LARS2: variants seen among roughly 807,000 people sequenced by gnomAD.
The protein encoded by LARS2 is leucyl-tRNA synthetase 2, mitochondrial, also known as leucine--tRNA ligase, mitochondrial.
In LARS2, 81 loss-of-function variants were observed where a neutral mutation model predicts 116.6. That is an observed-to-expected ratio of 0.69 (90% CI 0.58 to 0.84). The LOEUF (loss-of-function observed/expected upper bound fraction) is 0.84, where lower values mean the gene tolerates loss of function less well. Among genes scored for constraint, LARS2 ranks in the 40% least tolerant of loss-of-function variants. LARS2 has a pLI of 0.00. For synonymous variants in LARS2, 396 were observed against 407.2 expected, an observed-to-expected ratio of 0.97 and a Z score of 0.33; for missense variants, 968 against 1,114.5, an observed-to-expected ratio of 0.87 and a Z score of 1.87.
intron 1 of LARS2, chr3:45,389,131 A>G (rs552457193): frequency 6.6e-6 from 1 of 152,206 alleles, no homozygotes; most frequent in African/African-American, 2.4e-5. Context: ...GCAAAATCCA[A>G]GATTTTTTTT....
At chr3:45,450,627 A>T (rs11929342) in intron 7 of LARS2, among the ~76,000 whole-genome samples, 45,967 of 152,104 alleles carry the variant, frequency 0.3, 7,229 homozygotes, top group Middle Eastern at 0.44. Flanking sequence ...CCACTGATGG[A>T]CACTTGGGTT....
intron 6 of LARS2, among the ~76,000 whole-genome samples, chr3:45,427,192 A>G (rs1698608448): frequency 6.6e-6 from 1 of 152,232 alleles, no homozygotes; most frequent in African/African-American, 2.4e-5. Context: ...ATGGGAGACT[A>G]CAGTTATACG....
At chr3:45,440,659 C>T (rs115570882) in intron 6 of LARS2, among the ~76,000 whole-genome samples, 1,970 of 152,230 alleles carry the variant, frequency 0.013, 28 homozygotes, top group African/African-American at 0.045. Flanking sequence ...TACATGACAG[C>T]TTTGAATGAG....
At chr3:45,533,318 T>G (rs1700649408) in intron 20 of LARS2, among the ~76,000 whole-genome samples, 1 of 151,800 alleles carries the variant, frequency 6.6e-6, no homozygotes, top group Admixed American at 6.6e-5. Flanking sequence ...ACCCAGCTAA[T>G]TTTTTGTATT....
intron 9 of LARS2, 62 bp from the exon 10 acceptor site, chr3:45,476,406 G>T: frequency 6.4e-7 from 1 of 1,556,244 alleles, no homozygotes; most frequent in South Asian, 1.1e-5. Context: ...GATACAGTTA[G>T]GGAGCAACAC....
chr3:45,500,422 C>T lies in LARS2; in HGVS notation c.1623-20C>T, dbSNP rs1700098886. 1.3e-6 allele frequency: 2 copies of T among 1,593,182 alleles called. No individual in the cohort carries two copies. Among genetic ancestry groups the T allele is most frequent in the African/African-American group, 2.7e-5 (2 of 73,422 alleles). ...GTGGCAAAGCAGGTTTTTAAAAATGCCTCCATCTCTTTTTTACAGCCCTTT... is the reference window on the plus strand; with the variant it reads ...GTGGCAAAGCAGGTTTTTAAAAATGTCTCCATCTCTTTTTTACAGCCCTTT... On this transcript the variant is annotated intron_variant, in intron 14 of 21. Coordinates refer to ENST00000645846, the MANE Select transcript of LARS2 (RefSeq NM_015340.4).
chr3:45,477,888 T>G (rs1213804735), intron 10 of LARS2, among the ~76,000 whole-genome samples: 1 of 152,208 alleles, frequency 6.6e-6, no homozygotes, highest in Admixed American at 6.5e-5. Flanking sequence ...TCTCTCTGCT[T>G]AAGACTTTGT....
chr3:45,467,985 C>A (rs917648850), intron 8 of LARS2, among the ~76,000 whole-genome samples: 2 of 152,002 alleles, frequency 1.3e-5, no homozygotes, highest in Admixed American at 6.5e-5. Flanking sequence ...ACAGTCCCAG[C>A]TACTCAGGAG....
In LARS2 at chr3:45,509,941, G is replaced by A. The variant is rs893294714; in HGVS notation, c.1761-3194G>A. Among the ~76,000 whole-genome samples, 7 of 151,926 alleles carry A rather than the reference G, an allele frequency of 4.6e-5. No homozygotes were observed. The South Asian group carries it at 1.5e-3, about 32-fold the overall frequency. Reference sequence around the variant, plus strand: ...CTAGCTGGAAAGTATAGCATCCAGTGCCCCACTTCACTCATTTCTTTCTTC... The same window carrying A: ...CTAGCTGGAAAGTATAGCATCCAGTACCCCACTTCACTCATTTCTTTCTTC... On this transcript the variant is annotated intron_variant, in intron 15 of 21. Transcript: ENST00000645846.
intron 10 of LARS2, among the ~76,000 whole-genome samples, chr3:45,477,694 C>A (rs564050966): frequency 6.6e-6 from 1 of 152,308 alleles, no homozygotes; most frequent in South Asian, 2.1e-4. Flanking sequence ...AATATCTCAT[C>A]CCTATTCTCT....
chr3:45,541,841 T>C lies in LARS2; in HGVS notation c.2417T>C (p.Val806Ala). The change falls in exon 21 of 22, where the codon GTG becomes GCG. Residue 806 changes from valine (V) to alanine (A), a missense_variant. Physicochemically the swap from Val to Ala is moderately conservative, Grantham distance 64. Coordinates refer to ENST00000645846, the MANE Select transcript of LARS2 (RefSeq NM_015340.4). ...TSEIWAGLAL[V>A]PRKLCAHYTW... ...CTCGGCATTGCAGGCCTGGCGCTGG[T>C]GCCGAGGAAGCTCTGTGCCCACTAC... 1 of 1,614,168 alleles carries C rather than the reference T, an allele frequency of 6.2e-7. No homozygotes were observed. The highest frequency in any genetic ancestry group is 8.5e-7 in the Non-Finnish European group (1 of 1,180,008).
rs1000037519 is a variant in LARS2 at position 45,548,459 on chromosome 3, C to T, written c.*929C>T. ...CAATGCCACCATTGTTGATGTGACT[C>T]CAGAGCCAGTTATTAGGAAGAGCAA... is the stretch of plus-strand genomic sequence containing the variant. On this transcript the variant is annotated 3_prime_UTR_variant, in exon 22 of 22. Transcript: ENST00000645846. 6 of 152,252 alleles carry T rather than the reference C, an allele frequency of 3.9e-5. No individual in the cohort carries two copies. Among genetic ancestry groups the T allele is most frequent in the African/African-American group, 1.4e-4 (6 of 41,456 alleles). The allele number at this position is 152,252 out of a possible 1,614,324, so 9.4% of individuals were successfully genotyped here.
chr3:45,396,524 A>G (rs1173929217), intron 3 of LARS2, among the ~76,000 whole-genome samples: 1 of 152,262 alleles, frequency 6.6e-6, no homozygotes, highest in Non-Finnish European at 1.5e-5. Flanking sequence ...CGGAATGCTC[A>G]TGGATTTTGA....
At chr3:45,450,110 G>C (rs530821268) in intron 7 of LARS2, among the ~76,000 whole-genome samples, 110 of 152,136 alleles carry the variant, frequency 7.2e-4, no homozygotes, top group African/African-American at 2.4e-3. Flanking sequence ...GTTGTTGTGG[G>C]GGTTTTTAAA....
intron 11 of LARS2, among the ~76,000 whole-genome samples, chr3:45,486,381 C>A (rs1699814597): frequency 6.6e-6 from 1 of 152,144 alleles, no homozygotes; most frequent in African/African-American, 2.4e-5. Context: ...CGTGAGCATT[C>A]TAAACTATCG....
intron 14 of LARS2, 83 bp from the exon 15 acceptor site, chr3:45,500,359 T>C: frequency 7.9e-7 from 1 of 1,262,580 alleles, no homozygotes; most frequent in South Asian, 1.4e-5. Context: ...TTTCAGGGCA[T>C]ATGCATATTA....
chr3:45,491,318 T>C (rs981977057), intron 12 of LARS2, among the ~76,000 whole-genome samples, 199 bp from the exon 13 acceptor site: 1 of 152,222 alleles, frequency 6.6e-6, no homozygotes, highest in African/African-American at 2.4e-5. Context: ...TTGTAAAATA[T>C]AATTTTTAAT....
chr3:45,507,239 T>TA (rs1363426125), intron 15 of LARS2, among the ~76,000 whole-genome samples: 1 of 150,452 alleles, frequency 6.6e-6, no homozygotes, highest in Admixed American at 6.6e-5. Flanking sequence ...TCTATGATTT[T>TA]AAAAAAAAAA....
At chr3:45,452,472 G>A (rs546313485) in intron 7 of LARS2, among the ~76,000 whole-genome samples, 1 of 151,484 alleles carries the variant, frequency 6.6e-6, no homozygotes, top group African/African-American at 2.4e-5. Flanking sequence ...CCTTGATTTT[G>A]TCGTATGACA....
Sources: allele counts gnomAD v4.1 joint callset (sites outside exome capture counted in the v4.1 genomes callset), GRCh38; gene constraint gnomAD v4.1.1; transcripts MANE v1.5; gene names NCBI Gene and HGNC (gene_info 2026-07-23, HGNC 2026-07-21).